SMOC1: variants seen among roughly 807,000 people sequenced by gnomAD.
SMOC1 encodes SPARC-related modular calcium-binding protein 1.
In SMOC1, 22 loss-of-function variants were observed where a neutral mutation model predicts 56.3. That is an observed-to-expected ratio of 0.39 (90% CI 0.28 to 0.56). The LOEUF (loss-of-function observed/expected upper bound fraction) is 0.56, where lower values mean the gene tolerates loss of function less well. Among genes scored for constraint, SMOC1 ranks in the 20% least tolerant of loss-of-function variants. The pLI, the probability that SMOC1 is intolerant of heterozygous loss-of-function variation, is 0.61. For missense variants in SMOC1, 509 were observed against 565.4 expected, an observed-to-expected ratio of 0.90 and a Z score of 1.01; for synonymous variants, 193 against 215.0, an observed-to-expected ratio of 0.90 and a Z score of 0.89.
chr14:70,021,420 T>C (rs1212996784), intron 10 of SMOC1, among the ~76,000 whole-genome samples: 1 of 152,196 alleles, frequency 6.6e-6, no homozygotes, highest in East Asian at 1.9e-4. Flanking sequence ...AGAGACAAAA[T>C]CTGAGTTCTT....
intron 5 of SMOC1, among the ~76,000 whole-genome samples, chr14:69,990,748 A>G (rs764049497): frequency 8.5e-5 from 13 of 152,212 alleles, no homozygotes; most frequent in Non-Finnish European, 1.3e-4. Flanking sequence ...TGAGGCAAAT[A>G]GTATATCCAG....
intron 1 of SMOC1, among the ~76,000 whole-genome samples, chr14:69,895,200 A>G (rs1339134995): frequency 1.3e-5 from 2 of 152,202 alleles, no homozygotes; most frequent in Non-Finnish European, 2.9e-5. Flanking sequence ...AACATGTGGA[A>G]TCTTCCCCGT....
At chr14:69,935,261 T>C (rs373022148) in intron 1 of SMOC1, among the ~76,000 whole-genome samples, 1 of 152,234 alleles carries the variant, frequency 6.6e-6, no homozygotes, top group East Asian at 1.9e-4. Flanking sequence ...ATTTTAAGTG[T>C]CTCCTTCAGA....
At chr14:69,990,543 C>G (rs1884524649) in intron 5 of SMOC1, among the ~76,000 whole-genome samples, 1 of 152,156 alleles carries the variant, frequency 6.6e-6, no homozygotes, top group Non-Finnish European at 1.5e-5. Context: ...ACCAAATGTG[C>G]ATTGCAGCTG....
chr14:69,895,051 C>T (rs1319215303), intron 1 of SMOC1, among the ~76,000 whole-genome samples: 2 of 152,106 alleles, frequency 1.3e-5, no homozygotes, highest in Non-Finnish European at 2.9e-5. Flanking sequence ...TCAAAGATGC[C>T]CTGGAACACT....
chr14:69,944,590 T>C (rs77787396), intron 1 of SMOC1, among the ~76,000 whole-genome samples: 5 of 152,212 alleles, frequency 3.3e-5, no homozygotes, highest in African/African-American at 4.8e-5. Context: ...GATTTTTTTT[T>C]CCATCTGGCT....
intron 5 of SMOC1, among the ~76,000 whole-genome samples, chr14:69,982,260 A>G (rs1299813450): frequency 1.3e-5 from 2 of 152,222 alleles, no homozygotes. Flanking sequence ...TTGTCAAGCT[A>G]GTCTTGGAGA....
intron 1 of SMOC1, among the ~76,000 whole-genome samples, chr14:69,922,117 G>T (rs1884862803): frequency 6.6e-6 from 1 of 152,260 alleles, no homozygotes; most frequent in Admixed American, 6.5e-5. Flanking sequence ...CAGAGCTCGG[G>T]CTTCAAAGTA....
intron 7 of SMOC1, among the ~76,000 whole-genome samples, chr14:70,003,196 G>T (rs1248831778): frequency 6.6e-6 from 1 of 152,194 alleles, no homozygotes; most frequent in East Asian, 1.9e-4. Context: ...TAAGAGACTA[G>T]GTGGGTGTGA....
chr14:70,017,334 T>C (rs1401945603), intron 10 of SMOC1, among the ~76,000 whole-genome samples: 1 of 152,052 alleles, frequency 6.6e-6, no homozygotes, highest in East Asian at 1.9e-4. Flanking sequence ...TCCCTCTTGT[T>C]TGATGGAGGA....
In SMOC1 at chr14:69,973,308, C is replaced by T. The variant is rs778270135; in HGVS notation, c.379-2407C>T. On this transcript the variant is annotated intron_variant, in intron 3 of 11. Coordinates refer to ENST00000361956, the MANE Select transcript of SMOC1 (RefSeq NM_001034852.3). Reference sequence around the variant, plus strand: ...CCACCGCCACTCCATATCCAGCCTTCGCTGGGTGCCAGACAATGGACTTCC... The same window carrying T: ...CCACCGCCACTCCATATCCAGCCTTTGCTGGGTGCCAGACAATGGACTTCC... 4.5e-4 allele frequency among the ~76,000 whole-genome samples: 68 copies of T among 152,310 alleles called. No individual in the cohort carries two copies. In the Middle Eastern group the frequency reaches 0.01, roughly 23 times the overall value.
At chr14:69,906,238 G>A (rs887875004) in intron 1 of SMOC1, among the ~76,000 whole-genome samples, 1 of 152,212 alleles carries the variant, frequency 6.6e-6, no homozygotes, top group South Asian at 2.1e-4. Context: ...CACTGGAGGT[G>A]CTGCTAGGAG....
intron 1 of SMOC1, among the ~76,000 whole-genome samples, chr14:69,929,171 T>A (rs1885096727): frequency 6.6e-6 from 1 of 152,180 alleles, no homozygotes. Flanking sequence ...GGCTCTATGC[T>A]CGCCCATTAT....
chr14:69,899,660 T>C (rs61980615), intron 1 of SMOC1, among the ~76,000 whole-genome samples: 8,645 of 152,242 alleles, frequency 0.057, 294 homozygotes, highest in Non-Finnish European at 0.077. Context: ...AGATTTTTCT[T>C]TGATATTCAC....
chr14:69,949,715 T>C (rs1321673840), intron 1 of SMOC1, among the ~76,000 whole-genome samples: 2 of 151,910 alleles, frequency 1.3e-5, no homozygotes, highest in African/African-American at 4.8e-5. Flanking sequence ...ATTTGATAAA[T>C]GGGAAGCAGG....
chr14:70,012,397 T>A (rs1885371987), intron 9 of SMOC1, among the ~76,000 whole-genome samples: 1 of 152,240 alleles, frequency 6.6e-6, no homozygotes, highest in African/African-American at 2.4e-5. Flanking sequence ...GACATGAGAC[T>A]TACAGAGTGG....
At chr14:70,012,881 G>C (rs1478512669) in intron 9 of SMOC1, among the ~76,000 whole-genome samples, 1 of 152,158 alleles carries the variant, frequency 6.6e-6, no homozygotes, top group Non-Finnish European at 1.5e-5. Context: ...GGTTGAGGAG[G>C]GAAGTGAAAA....
chr14:70,024,815 G>A (rs55661016), intron 11 of SMOC1, among the ~76,000 whole-genome samples: 10,338 of 152,248 alleles, frequency 0.068, 415 homozygotes, highest in Non-Finnish European at 0.094. Flanking sequence ...TGTTGAAGGC[G>A]TTCAGAGAAT....
intron 1 of SMOC1, among the ~76,000 whole-genome samples, chr14:69,910,529 A>G (rs1884530249): frequency 6.6e-6 from 1 of 152,226 alleles, no homozygotes; most frequent in Non-Finnish European, 1.5e-5. Context: ...CCTTCTGCCT[A>G]TAAGACAGCC....
Sources: gnomAD v4.1 joint callset for allele counts (sites outside exome capture counted in the v4.1 genomes callset) on GRCh38, gnomAD v4.1.1 for gene constraint, MANE v1.5 for transcripts, NCBI Gene and HGNC (gene_info 2026-07-23, HGNC 2026-07-21) for gene names.